Variants in BCAS3 observed in about 807,000 individuals in gnomAD.
BCAS3 encodes the protein BCAS4/BCAS3 fusion.
BCAS3 carries 53 observed loss-of-function variants against 116.1 expected under a neutral mutation model. The ratio of observed to expected loss-of-function variants is 0.46; its 90% confidence interval spans 0.37 to 0.57. The LOEUF (loss-of-function observed/expected upper bound fraction) is 0.57. Among genes scored for constraint, BCAS3 ranks in the 20% least tolerant of loss-of-function variants. The pLI is 0.00. For missense variants in BCAS3, 917 were observed against 1,165.4 expected, an observed-to-expected ratio of 0.79 and a Z score of 3.10; for synonymous variants, 391 against 408.2, an observed-to-expected ratio of 0.96 and a Z score of 0.51.
At chr17:60,781,216 C>T (rs1233013372) in intron 6 of BCAS3, among the ~76,000 whole-genome samples, 3 of 151,862 alleles carry the variant, frequency 2.0e-5, no homozygotes, top group Admixed American at 1.3e-4. Context: ...GTGATCCCCC[C>T]GCCTCAGCCT....
At chr17:61,070,121 A>C (rs2071201088) in intron 19 of BCAS3, 10 of 1,570,816 alleles carry the variant, frequency 6.4e-6, no homozygotes, top group Non-Finnish European at 8.7e-6. Flanking sequence ...CTGACCACTG[A>C]GTCTGCCATG....
rs1486420219 is a variant in BCAS3, at chr17:61,366,066, C to A, written c.2426-2261C>A. ...GCTGAGACACGAGAATCGCCTGGAC[C>A]CAGGAGGCAGAGGTTGCCGTGAGCC... On this transcript the variant is annotated intron_variant, in intron 22 of 23. Transcript: ENST00000407086. This position sits in a 1 kb window ranked among gnomAD's most constrained non-coding sequence, Gnocchi z 4.5. Among the ~76,000 whole-genome samples the A allele has an allele frequency of 2.0e-5, 3 of 151,884 alleles. No homozygotes were observed. Among genetic ancestry groups the A allele is most frequent in the East Asian group, 1.9e-4 (1 of 5,172 alleles).
chr17:61,368,179 G>C lies in BCAS3; in HGVS notation c.2426-148G>C. On this transcript the variant is annotated intron_variant, in intron 22 of 23. Transcript: ENST00000407086. The surrounding 1 kb of genome is among the most constrained non-coding windows in gnomAD (Gnocchi z 6.0). Reference sequence around the variant, plus strand: ...CAGCGGCATGAGCTATTTCTCCTGCGCTACCCAGTCTGTTGGCGGCGTGCT... The same window carrying C: ...CAGCGGCATGAGCTATTTCTCCTGCCCTACCCAGTCTGTTGGCGGCGTGCT... 1.3e-6 allele frequency: 1 copy of C among 758,178 alleles called. No individual in the cohort carries two copies. Among genetic ancestry groups the C allele is most frequent in the South Asian group, 2.2e-5 (1 of 45,836 alleles). The allele number at this position is 758,178 out of a possible 1,614,324, so 47.0% of individuals were successfully genotyped here. A position where few individuals can be genotyped will look rare whatever the true frequency, so the allele number is the denominator to read the frequency against.
intron 19 of BCAS3, among the ~76,000 whole-genome samples, chr17:61,061,660 T>C (rs2070053962): frequency 6.6e-6 from 1 of 152,248 alleles, no homozygotes; most frequent in African/African-American, 2.4e-5. Context: ...TCTTATCAAG[T>C]ATATTTTAGA....
intron 9 of BCAS3, among the ~76,000 whole-genome samples, chr17:60,879,240 A>T (rs753187092): frequency 1.3e-4 from 20 of 152,192 alleles, no homozygotes; most frequent in Non-Finnish European, 2.6e-4. Context: ...TCTCCACTTA[A>T]TGAGGTTGTT....
Position 60,960,362 on chromosome 17 carries a change from C to T in BCAS3, c.1221+13010C>T, listed in dbSNP as rs148353448. On this transcript the variant is annotated intron_variant, in intron 14 of 23. Transcript: ENST00000407086. The surrounding 1 kb of genome is among the most constrained non-coding windows in gnomAD (Gnocchi z 4.1). Reference sequence around the variant, plus strand: ...CTGGAATTTATCCTAGGGCAAAATTCCTGTGCTTCTGTGGACCTGTGAAAC... The same window carrying T: ...CTGGAATTTATCCTAGGGCAAAATTTCTGTGCTTCTGTGGACCTGTGAAAC... Among the ~76,000 whole-genome samples, 92 of 152,254 alleles carry T rather than the reference C, an allele frequency of 6.0e-4. 1 individual carries two copies. Among genetic ancestry groups the T allele is most frequent in the African/African-American group, 1.9e-3 (79 of 41,554 alleles).
At position 61,058,747 on chromosome 17, in the gene BCAS3, C is replaced by T. The variant is rs150866511; in HGVS notation, c.2030-16173C>T. ...AGTATAGGTATCTCTGATCAGGATA[C>T]ATAACTGTTTATTATGATTATAGAA... is the stretch of plus-strand genomic sequence containing the variant. On this transcript the variant is annotated intron_variant, in intron 19 of 23. Coordinates refer to ENST00000407086, the MANE Select transcript of BCAS3 (RefSeq NM_017679.5). 9.6e-4 allele frequency among the ~76,000 whole-genome samples: 146 copies of T among 152,194 alleles called. 1 individual carries two copies. Among genetic ancestry groups the T allele is most frequent in the African/African-American group, 3.3e-3 (139 of 41,522 alleles).
Position 61,352,341 on chromosome 17 carries a change from CA to C in BCAS3, c.2426-15985del, listed in dbSNP as rs1369397363. 6.6e-6 allele frequency among the ~76,000 whole-genome samples: 1 copy of C among 152,210 alleles called. No individual in the cohort carries two copies. The highest frequency in any genetic ancestry group is 1.5e-5 in the Non-Finnish European group (1 of 68,044). ...ATAAAAAGATAGGTTTCTTTGCACA[CA>C]CAAACACACCCTGGGCTGACTATAA... On this transcript the variant is annotated intron_variant, in intron 22 of 23. Transcript: ENST00000407086. The surrounding 1 kb of genome is among the most constrained non-coding windows in gnomAD (Gnocchi z 4.7).
chr17:60,913,969 G>A (rs1460457477), intron 12 of BCAS3, among the ~76,000 whole-genome samples: 2 of 152,162 alleles, frequency 1.3e-5, no homozygotes, highest in Admixed American at 6.5e-5. Context: ...ATTGAAGTTA[G>A]CAATGTGGCA....
intron 22 of BCAS3, among the ~76,000 whole-genome samples, chr17:61,290,819 T>C (rs35827636): frequency 0.086 from 13,080 of 152,184 alleles, 711 homozygotes; most frequent in Middle Eastern, 0.16. Flanking sequence ...CTCGCTCTGT[T>C]GCCCAGGCTG....
Position 61,208,032 on chromosome 17 carries a change from TAGG to T in BCAS3, c.2425+123471_2425+123473del, listed in dbSNP as rs1228787937. 6.6e-6 allele frequency among the ~76,000 whole-genome samples: 1 copy of T among 152,190 alleles called. No individual in the cohort carries two copies. Among genetic ancestry groups the T allele is most frequent in the Non-Finnish European group, 1.5e-5 (1 of 68,028 alleles). The stretch of plus-strand genomic sequence containing the variant: ...TTTTATATGGAAATAACAAAAAACT[TAGG>T]AGATAATGTTGATCACATACCCTTT... On this transcript the variant is annotated intron_variant, in intron 22 of 23. Transcript: ENST00000407086. This position sits in a 1 kb window ranked among gnomAD's most constrained non-coding sequence, Gnocchi z 4.5.
rs768856865 is a variant in BCAS3 at position 61,008,061 on chromosome 17, C to A, written c.1487-7690C>A. On this transcript the variant is annotated intron_variant, in intron 15 of 23. Coordinates refer to ENST00000407086, the MANE Select transcript of BCAS3 (RefSeq NM_017679.5). The surrounding 1 kb of genome is among the most constrained non-coding windows in gnomAD (Gnocchi z 4.6). ...GTGTCGACACACACACACACACACA[C>A]ACATAAAATTCATTTTCTTTTAGTG... 9.9e-5 allele frequency among the ~76,000 whole-genome samples: 15 copies of A among 152,070 alleles called. No individual in the cohort carries two copies. The highest frequency in any genetic ancestry group is 1.9e-4 in the Non-Finnish European group (13 of 67,988).
chr17:60,954,914 G>A (rs1294823934), intron 14 of BCAS3, among the ~76,000 whole-genome samples: 1 of 151,722 alleles, frequency 6.6e-6, no homozygotes, highest in African/African-American at 2.4e-5. Flanking sequence ...TATATTCATT[G>A]GATCATGATT....
At chr17:61,170,784 A>T (rs767124032) in intron 22 of BCAS3, among the ~76,000 whole-genome samples, 3 of 152,122 alleles carry the variant, frequency 2.0e-5, no homozygotes, top group African/African-American at 7.2e-5. Context: ...GAGGTTGAGG[A>T]GGCCAAGGTG....
intron 6 of BCAS3, among the ~76,000 whole-genome samples, chr17:60,803,911 C>G (rs2048040711): frequency 6.8e-6 from 1 of 147,668 alleles, no homozygotes; most frequent in African/African-American, 2.5e-5. Flanking sequence ...GAGCGATTCT[C>G]CTGCCTCAGC....
chr17:60,846,363 C>T (rs2052538751), intron 7 of BCAS3, among the ~76,000 whole-genome samples: 1 of 152,160 alleles, frequency 6.6e-6, no homozygotes, highest in African/African-American at 2.4e-5. Flanking sequence ...TTAATAGCAT[C>T]ACCAAGTTCT....
rs1335767156 is a variant in BCAS3, at chr17:61,056,695, A to G, written c.2029+15803A>G. ...GAAACTCAGTTTATTACACTGAATT[A>G]GCTGCCATCCTGTCCAGGAGACCCA... is the stretch of plus-strand genomic sequence containing the variant. On this transcript the variant is annotated intron_variant, in intron 19 of 23. Transcript: ENST00000407086. This position sits in a 1 kb window ranked among gnomAD's most constrained non-coding sequence, Gnocchi z 4.9. Among the ~76,000 whole-genome samples the G allele has an allele frequency of 6.6e-6, 1 of 152,206 alleles. No homozygotes were observed. The highest frequency in any genetic ancestry group is 2.4e-5 in the African/African-American group (1 of 41,454).
chr17:60,745,016 G>A (rs931160318), intron 5 of BCAS3, among the ~76,000 whole-genome samples: 1 of 151,734 alleles, frequency 6.6e-6, no homozygotes, highest in African/African-American at 2.4e-5. Context: ...AGACAGATTT[G>A]TTTTATTCTT....
chr17:61,255,223 T>C (rs957581173), intron 22 of BCAS3, among the ~76,000 whole-genome samples: 2 of 152,228 alleles, frequency 1.3e-5, no homozygotes, highest in African/African-American at 4.8e-5. Context: ...TTTTCTCTTC[T>C]CTGGTGCTTG....
Sources: allele counts gnomAD v4.1 joint callset (sites outside exome capture counted in the v4.1 genomes callset), GRCh38; gene constraint gnomAD v4.1.1; non-coding constraint Gnocchi (gnomAD v3.1); transcripts MANE v1.5; gene names NCBI Gene and HGNC (gene_info 2026-07-23, HGNC 2026-07-21).